FAM135B: variants seen among roughly 807,000 people sequenced by gnomAD.
FAM135B encodes the protein family with sequence similarity 135 member B.
Under a neutral mutation model 127.7 loss-of-function variants are expected in FAM135B, and 43 were observed. The ratio of observed to expected loss-of-function variants is 0.34; its 90% CI spans 0.26 to 0.43. The LOEUF (loss-of-function observed/expected upper bound fraction) is 0.43. Among genes scored for constraint, FAM135B ranks in the 20% least tolerant of loss-of-function variants. The probability of loss-of-function intolerance (pLI) is 1.00; values close to 1 mark genes in which losing one functional copy is unlikely to be tolerated. For missense variants in FAM135B, 1,558 were observed against 1,725.6 expected (o/e 0.90, Z 1.72); for synonymous variants, 670 against 665.1 (o/e 1.01, Z -0.11).
intron 7 of FAM135B, among the ~76,000 whole-genome samples, chr8:138,232,000 T>C (rs752854898): frequency 2.0e-5 from 3 of 152,172 alleles, no homozygotes; most frequent in Non-Finnish European, 1.5e-5. Context: ...ATCTTATAGG[T>C]TAAGAAGATT....
intron 1 of FAM135B, among the ~76,000 whole-genome samples, chr8:138,411,565 C>G (rs1027877875): frequency 1.3e-5 from 2 of 152,174 alleles, no homozygotes; most frequent in Non-Finnish European, 2.9e-5. Context: ...CCATTCAGGA[C>G]ATAGGCATGG....
intron 12 of FAM135B, among the ~76,000 whole-genome samples, chr8:138,160,000 T>A (rs1819199734): frequency 6.6e-6 from 1 of 152,140 alleles, no homozygotes; most frequent in African/African-American, 2.4e-5. Flanking sequence ...AGTCAAGTAA[T>A]ACTAGCCTGA....
chr8:138,383,583 T>C (rs1400733753), intron 1 of FAM135B, among the ~76,000 whole-genome samples: 1 of 152,206 alleles, frequency 6.6e-6, no homozygotes, highest in African/African-American at 2.4e-5. Flanking sequence ...TTAAACACCA[T>C]GATACTGGAT....
At chr8:138,251,727 C>G (rs7841724) in intron 5 of FAM135B, among the ~76,000 whole-genome samples, 114,140 of 152,054 alleles carry the variant, frequency 0.75, 43,554 homozygotes, top group African/African-American at 0.9. Flanking sequence ...ATTAAAAGAA[C>G]ATTGGTTGTT....
chr8:138,259,121 A>G (rs867965586), intron 4 of FAM135B, among the ~76,000 whole-genome samples: 1 of 152,342 alleles, frequency 6.6e-6, no homozygotes. Flanking sequence ...TCCCAAACTC[A>G]GCTAGTGAGA....
intron 7 of FAM135B, among the ~76,000 whole-genome samples, chr8:138,217,037 C>T (rs899536203): frequency 6.6e-6 from 1 of 152,094 alleles, no homozygotes; most frequent in African/African-American, 2.4e-5. Context: ...TAATAGTCAC[C>T]TCGAAGCTGC....
intron 1 of FAM135B, among the ~76,000 whole-genome samples, chr8:138,469,688 T>C (rs1358958878): frequency 6.6e-6 from 1 of 152,304 alleles, no homozygotes; most frequent in South Asian, 2.1e-4. Flanking sequence ...GCAGGACAAA[T>C]ACAAGATTAG....
At chr8:138,206,399 ACAGCTCT>A (rs1467365790) in intron 7 of FAM135B, among the ~76,000 whole-genome samples, 2 of 149,404 alleles carry the variant, frequency 1.3e-5, no homozygotes, top group African/African-American at 5.0e-5. Context: ...CCACCTACAC[ACAGCTCT>A]ATCGTCCCCT....
At chr8:138,304,433 G>A (rs771201495) in intron 3 of FAM135B, among the ~76,000 whole-genome samples, 19 of 152,238 alleles carry the variant, frequency 1.2e-4, no homozygotes, top group Admixed American at 2.6e-4. Context: ...AAGGGGCTAC[G>A]TGCTGCATGC....
At chr8:138,170,042 T>A (rs1820288655) in intron 11 of FAM135B, among the ~76,000 whole-genome samples, 2 of 152,146 alleles carry the variant, frequency 1.3e-5, no homozygotes, top group Non-Finnish European at 2.9e-5. Context: ...CAAAATCCTG[T>A]GCATGACTTC....
At chr8:138,161,713 GCA>G (rs1171674487) in intron 12 of FAM135B, among the ~76,000 whole-genome samples, 1 of 152,098 alleles carries the variant, frequency 6.6e-6, no homozygotes, top group Non-Finnish European at 1.5e-5. Context: ...TTACCAGGGC[GCA>G]TTCTTTGCAC....
intron 3 of FAM135B, among the ~76,000 whole-genome samples, chr8:138,295,125 TTTTTTG>T (rs1825387887): frequency 9.3e-6 from 1 of 106,980 alleles, no homozygotes; most frequent in Admixed American, 9.4e-5. Context: ...TTTTTTTTTT[TTTTTTG>T]GGTAGGAATC....
At chr8:138,313,856 A>C (rs1261592549) in intron 2 of FAM135B, among the ~76,000 whole-genome samples, 1 of 151,058 alleles carries the variant, frequency 6.6e-6, no homozygotes, top group East Asian at 1.9e-4. Context: ...CACTCACAGC[A>C]CCTTTGTGGT....
chr8:138,404,806 T>A (rs1003712648), intron 1 of FAM135B, among the ~76,000 whole-genome samples: 1 of 152,172 alleles, frequency 6.6e-6, no homozygotes, highest in Non-Finnish European at 1.5e-5. Context: ...TGTAGTTATC[T>A]TTCTACTTCT....
In FAM135B at chr8:138,139,799, G is replaced by A. The variant is rs76620161; in HGVS notation, c.3791-703C>T. On this transcript the variant is annotated intron_variant, in intron 17 of 19. Coordinates refer to ENST00000395297, the MANE Select transcript of FAM135B (RefSeq NM_015912.4). Reference sequence around the variant, plus strand: ...AACAACAACAACAAAAATCTCATGCGTTTAGCTAAGCTTAGGCAAACACTA... The same window carrying A: ...AACAACAACAACAAAAATCTCATGCATTTAGCTAAGCTTAGGCAAACACTA... Among the ~76,000 whole-genome samples the A allele has an allele frequency of 4.6e-3, 701 of 152,240 alleles. 3 individuals are homozygous for A. The highest frequency in any genetic ancestry group is 0.013 in the African/African-American group (542 of 41,554).
chr8:138,454,266 A>T (rs908084297), intron 1 of FAM135B, among the ~76,000 whole-genome samples: 1 of 152,166 alleles, frequency 6.6e-6, no homozygotes, highest in Admixed American at 6.6e-5. Flanking sequence ...CCGGCCAAAA[A>T]ATTGGATCAG....
intron 7 of FAM135B, among the ~76,000 whole-genome samples, chr8:138,202,426 T>A (rs1476410870): frequency 6.6e-6 from 1 of 152,090 alleles, no homozygotes; most frequent in Non-Finnish European, 1.5e-5. Flanking sequence ...ATGTTTTAAT[T>A]TTTTTGTAGA....
At chr8:138,296,957 A>G (rs1825520436) in intron 3 of FAM135B, among the ~76,000 whole-genome samples, 2 of 152,176 alleles carry the variant, frequency 1.3e-5, no homozygotes, top group African/African-American at 4.8e-5. Flanking sequence ...CAGGGTAAGC[A>G]CTGAAATCAC....
intron 2 of FAM135B, chr8:138,367,393 C>T (rs1435876057): frequency 2.2e-6 from 1 of 456,136 alleles, no homozygotes; most frequent in Middle Eastern, 3.3e-4. Context: ...ACGTGAAATG[C>T]CAAATTCAGA....
Sources: allele counts gnomAD v4.1 joint callset (sites outside exome capture counted in the v4.1 genomes callset), GRCh38; gene constraint gnomAD v4.1.1; transcripts MANE v1.5; gene names NCBI Gene and HGNC (gene_info 2026-07-23, HGNC 2026-07-21).